Variants in UGDH observed in about 807,000 individuals in gnomAD.
UGDH encodes UDP-Glc dehydrogenase.
UGDH carries 38 observed loss-of-function variants against 50.6 expected under a neutral mutation model. That is an observed-to-expected ratio of 0.75 (90% CI 0.58 to 0.98). UGDH has a LOEUF of 0.98. Ranked by LOEUF, UGDH falls within the 50% of genes least tolerant of loss-of-function variation. The probability of loss-of-function intolerance (pLI) is 0.00; values close to 1 mark genes in which losing one functional copy is unlikely to be tolerated. For missense variants in UGDH, 465 were observed against 606.2 expected, an observed-to-expected ratio of 0.77 and a Z score of 2.45; for synonymous variants, 168 against 199.9, an observed-to-expected ratio of 0.84 and a Z score of 1.35.
At chr4:39,506,233 T>TAAAAAAAAAAAA (rs373456890) in intron 7 of UGDH, among the ~76,000 whole-genome samples, 1 of 131,130 alleles carries the variant, frequency 7.6e-6, no homozygotes, top group Non-Finnish European at 1.6e-5. Context: ...GCCGTAAATT[T>TAAAAAAAAAAAA]AAAAAAAAAA....
chr4:39,525,221 A>C (rs533256093), intron 1 of UGDH, among the ~76,000 whole-genome samples: 83 of 152,314 alleles, frequency 5.4e-4, no homozygotes, highest in African/African-American at 1.9e-3. Context: ...TTTGAGACGG[A>C]GTCTCACTGT....
intron 8 of UGDH, 121 bp from the exon 9 acceptor site, chr4:39,505,491 T>C (rs1745990445): frequency 9.1e-7 from 1 of 1,102,350 alleles, no homozygotes; most frequent in Admixed American, 3.6e-5. Flanking sequence ...AAGATATGGA[T>C]ATTTATTTTT....
chr4:39,513,956 T>C (rs2109934218), intron 3 of UGDH, 127 bp downstream of exon 3: 2 of 722,812 alleles, frequency 2.8e-6, no homozygotes, highest in Non-Finnish European at 4.4e-6. Context: ...ACAACCAAAA[T>C]TCACCGGACA....
intron 2 of UGDH, among the ~76,000 whole-genome samples, chr4:39,515,680 C>T (rs1400234416): frequency 6.6e-6 from 1 of 152,104 alleles, no homozygotes; most frequent in South Asian, 2.1e-4. Flanking sequence ...CTCCAAGGAA[C>T]TGAACCAGCA....
Position 39,505,746 on chromosome 4 carries a change from G to T in UGDH, c.909C>A (p.Val303=). ...LPEVARYWQQ[V]IDMNDYQRRR... is the part of the protein sequence containing the mutation. ...TCCTCTGGTAGTCATTCATGTCTAT[G>T]ACCTGAAATTACATGTACAATTGTG... The change falls in exon 8 of 12, where the codon GTC becomes GTA. Residue 303 remains valine (V), a splice_region_variant and synonymous_variant. Coordinates refer to ENST00000316423, the MANE Select transcript of UGDH (RefSeq NM_003359.4). The T allele has an allele frequency of 6.2e-7, 1 of 1,605,044 alleles. No individual in the cohort carries two copies. The highest frequency in any genetic ancestry group is 1.1e-5 in the South Asian group (1 of 89,594).
intron 1 of UGDH, chr4:39,526,953 G>A: frequency 8.1e-7 from 1 of 1,227,282 alleles, no homozygotes. Flanking sequence ...CGAGAGAACC[G>A]CTTCCTGTGG....
chr4:39,503,586 C>T (rs1017594941), intron 11 of UGDH, among the ~76,000 whole-genome samples: 8 of 152,122 alleles, frequency 5.3e-5, no homozygotes, highest in Non-Finnish European at 1.0e-4. Flanking sequence ...TGACATGTTG[C>T]CCCAGAGTTA....
chr4:39,516,586 T>C (rs942518735), intron 2 of UGDH, among the ~76,000 whole-genome samples: 1 of 152,142 alleles, frequency 6.6e-6, no homozygotes, highest in Admixed American at 6.6e-5. Context: ...TATAGCAAAG[T>C]GAAAGCCCTT....
intron 7 of UGDH, among the ~76,000 whole-genome samples, chr4:39,508,264 C>G (rs1055257877): frequency 6.6e-6 from 1 of 152,194 alleles, no homozygotes; most frequent in Admixed American, 6.6e-5. Context: ...GGGTCTCACT[C>G]TGTTGTCCAG....
intron 4 of UGDH, 47 bp from the exon 5 acceptor site, chr4:39,510,597 G>A: frequency 6.2e-7 from 1 of 1,613,648 alleles, no homozygotes; most frequent in Non-Finnish European, 8.5e-7. Context: ...ATTAATTATG[G>A]GCAACTTTAA....
chr4:39,500,328 G>A, intron 11 of UGDH, 75 bp from the exon 12 acceptor site: 1 of 881,942 alleles, frequency 1.1e-6, no homozygotes. Context: ...ACTGAAATGG[G>A]AGCAGGGGGA....
rs1286042029 is a variant in UGDH at position 39,500,070 on chromosome 4, A to G, written c.*73T>C. ...AAACACTTGGTTCATTTACCATTTA[A>G]TAGCAGATAGATATTTGCTATCCTG... is the stretch of plus-strand genomic sequence containing the variant. On this transcript the variant is annotated 3_prime_UTR_variant, in exon 12 of 12. Transcript: ENST00000316423. The G allele has an allele frequency of 5.7e-6, 5 of 870,868 alleles. No homozygotes were observed. Among genetic ancestry groups the G allele is most frequent in the East Asian group, 5.1e-5 (2 of 39,498 alleles). 53.9% of individuals were successfully genotyped at this position (870,868 alleles called of 1,614,324 possible).
chr4:39,509,106 C>G (rs1263248437), intron 6 of UGDH, among the ~76,000 whole-genome samples: 1 of 150,894 alleles, frequency 6.6e-6, no homozygotes, highest in East Asian at 1.9e-4. Context: ...TCCCAGGTAG[C>G]TGGAGCTACA....
chr4:39,510,923 C>A (rs1413474797), intron 3 of UGDH, 62 bp from the exon 4 acceptor site: 1 of 1,537,382 alleles, frequency 6.5e-7, no homozygotes, highest in Admixed American at 1.7e-5. Context: ...CAAGATATAC[C>A]CTGAACTACT....
intron 1 of UGDH, among the ~76,000 whole-genome samples, chr4:39,525,702 G>T (rs1485618173): frequency 6.6e-6 from 1 of 151,008 alleles, no homozygotes; most frequent in Non-Finnish European, 1.5e-5. Context: ...GTAGAGACGG[G>T]ATTTCACCAT....
chr4:39,504,105 G>C (rs576842955), intron 10 of UGDH, 120 bp from the exon 11 acceptor site: 21 of 773,228 alleles, frequency 2.7e-5, no homozygotes, highest in Middle Eastern at 3.1e-4. Context: ...TCAGGAGATC[G>C]AGACCATCCT....
At chr4:39,511,483 G>A (rs1039476416) in intron 3 of UGDH, among the ~76,000 whole-genome samples, 14 of 151,688 alleles carry the variant, frequency 9.2e-5, no homozygotes, top group African/African-American at 3.1e-4. Context: ...GGCTGGTCTC[G>A]AACTCCTGAC....
At chr4:39,506,233 T>TAAAAAAAAAAAAAA (rs373456890) in intron 7 of UGDH, among the ~76,000 whole-genome samples, 1 of 131,134 alleles carries the variant, frequency 7.6e-6, no homozygotes. Flanking sequence ...GCCGTAAATT[T>TAAAAAAAAAAAAAA]AAAAAAAAAA....
At chr4:39,522,258 G>A (rs916417797) in intron 1 of UGDH, among the ~76,000 whole-genome samples, 5 of 152,136 alleles carry the variant, frequency 3.3e-5, no homozygotes, top group Admixed American at 3.3e-4. Flanking sequence ...AAAATGACAA[G>A]GAACTGATTT....
Sources: allele counts gnomAD v4.1 joint callset (sites outside exome capture counted in the v4.1 genomes callset), GRCh38; gene constraint gnomAD v4.1.1; transcripts MANE v1.5; gene names NCBI Gene and HGNC (gene_info 2026-07-23, HGNC 2026-07-21).